TTC1: variants seen among roughly 807,000 people sequenced by gnomAD.
TTC1 encodes tetratricopeptide repeat protein 1.
A neutral mutation model predicts 37.6 loss-of-function variants in TTC1; 31 were observed. That is an observed-to-expected ratio of 0.82 (90% CI 0.62 to 1.11). The LOEUF (loss-of-function observed/expected upper bound fraction) is 1.11, where lower values mean the gene tolerates loss of function less well. TTC1 is among the 50% of genes most tolerant of loss of function. The probability of loss-of-function intolerance (pLI) is 0.00; values close to 1 mark genes in which losing one functional copy is unlikely to be tolerated. For missense variants in TTC1, 351 were observed against 339.0 expected, an observed-to-expected ratio of 1.04 and a Z score of -0.28; for synonymous variants, 127 against 122.4, an observed-to-expected ratio of 1.04 and a Z score of -0.25.
At chr5:160,027,090 G>C (rs1296296346) in intron 2 of TTC1, among the ~76,000 whole-genome samples, 1 of 151,234 alleles carries the variant, frequency 6.6e-6, no homozygotes, top group Non-Finnish European at 1.5e-5. Flanking sequence ...GTACAGGGGT[G>C]CAATCATGGA....
At chr5:160,045,523 C>CACA in intron 5 of TTC1, among the ~76,000 whole-genome samples, 2 of 98,344 alleles carry the variant, frequency 2.0e-5, no homozygotes, top group Non-Finnish European at 4.2e-5. Context: ...CATACACACT[C>CACA]TCTCTCTCTC....
intron 2 of TTC1, among the ~76,000 whole-genome samples, chr5:160,029,203 C>A (rs1252813253): frequency 1.3e-5 from 2 of 152,234 alleles, no homozygotes; most frequent in East Asian, 1.9e-4. Context: ...TGTATGTGTT[C>A]TTTTGACTCA....
chr5:160,063,743 C>G (rs988594106), intron 7 of TTC1: 3 of 152,170 alleles, frequency 2.0e-5, no homozygotes, highest in African/African-American at 4.8e-5. Flanking sequence ...CCAAAATTTT[C>G]TGGAACATTC....
intron 5 of TTC1, among the ~76,000 whole-genome samples, chr5:160,048,190 C>T (rs902391242): frequency 5.0e-4 from 56 of 111,930 alleles, no homozygotes; most frequent in African/African-American, 1.9e-3. Context: ...CTCTGTTGCC[C>T]GGGCTGGAGT....
chr5:160,064,912 T>G lies in TTC1; in HGVS notation c.746-20T>G. On this transcript the variant is annotated intron_variant, in intron 7 of 7. Coordinates refer to ENST00000231238, the MANE Select transcript of TTC1 (RefSeq NM_003314.3). ...CTGTTCATTCCTGTATTCATTTGAG[T>G]TTTTGCTTTTACATTACAGGTAAAT... 1.9e-6 allele frequency: 3 copies of G among 1,603,816 alleles called. No homozygotes were observed. The highest frequency in any genetic ancestry group is 1.7e-4 in the Middle Eastern group (1 of 5,992).
In TTC1 at chr5:160,049,514, C is replaced by A; in HGVS notation, c.542C>A (p.Ala181Glu). Residue 181 changes from alanine to glutamate, a missense_variant and splice_region_variant, in exon 6 of 8, where the codon GCA becomes GAA. Ala to Glu is a moderately radical substitution (Grantham distance 107, BLOSUM62 -1). Coordinates refer to ENST00000231238, the MANE Select transcript of TTC1 (RefSeq NM_003314.3). ...AAAATTATTTCTTCTCTTTTTACAG[C>A]AATTCAATTAAACCCCAGCTATATC... Reference protein sequence around the residue: ...KEMAINDCSKAIQLNPSYIRA... With the variant: ...KEMAINDCSKEIQLNPSYIRA... The A allele has an allele frequency of 6.4e-7, 1 of 1,562,698 alleles. No individual in the cohort carries two copies. The highest frequency in any genetic ancestry group is 8.6e-7 in the Non-Finnish European group (1 of 1,162,342).
chr5:160,034,011 G>A (rs1035618281), intron 2 of TTC1, among the ~76,000 whole-genome samples: 1 of 152,174 alleles, frequency 6.6e-6, no homozygotes, highest in African/African-American at 2.4e-5. Flanking sequence ...ATCTACTCAG[G>A]AGGCTGAGGC....
rs1476524688 is a variant in TTC1, at chr5:160,051,227, C to T, written c.745+44C>T. The T allele has an allele frequency of 2.0e-6, 3 of 1,534,540 alleles. No homozygotes were observed. The East Asian group carries it at 6.7e-5, about 35-fold the overall frequency. Reference sequence around the variant, plus strand: ...TTGCTTGATCATAAACAGCTAGGAACCTAGGGTGGGGACATAGCGAATACT... The same window carrying T: ...TTGCTTGATCATAAACAGCTAGGAATCTAGGGTGGGGACATAGCGAATACT... On this transcript the variant is annotated intron_variant, in intron 7 of 7. Transcript: ENST00000231238.
intron 4 of TTC1, among the ~76,000 whole-genome samples, chr5:160,038,044 G>A (rs142771950): frequency 0.014 from 2,072 of 151,906 alleles, 49 homozygotes; most frequent in African/African-American, 0.047. Context: ...GCAGGGTTGC[G>A]GGGGTGGGTG....
intron 2 of TTC1, among the ~76,000 whole-genome samples, chr5:160,021,957 A>G (rs1328515553): frequency 5.9e-5 from 9 of 152,146 alleles, no homozygotes; most frequent in Non-Finnish European, 8.8e-5. Flanking sequence ...ATCCCTGGGT[A>G]CTGTGCTTGG....
chr5:160,041,385 A>G (rs1757090650), intron 4 of TTC1, among the ~76,000 whole-genome samples: 1 of 148,078 alleles, frequency 6.8e-6, no homozygotes, highest in African/African-American at 2.5e-5. Context: ...GTCTCAGCTC[A>G]CTGCAACCTC....
At chr5:160,017,339 G>A (rs1319558175) in intron 2 of TTC1, among the ~76,000 whole-genome samples, 1 of 152,158 alleles carries the variant, frequency 6.6e-6, no homozygotes, top group Non-Finnish European at 1.5e-5. Flanking sequence ...AGCAATTTTA[G>A]TGTCTGGTGA....
intron 2 of TTC1, among the ~76,000 whole-genome samples, chr5:160,020,393 G>A (rs778468577): frequency 6.6e-5 from 10 of 152,160 alleles, no homozygotes; most frequent in Non-Finnish European, 1.2e-4. Flanking sequence ...GGGATTACAG[G>A]AATGAACCAC....
chr5:160,061,286 A>G (rs1020971572), intron 7 of TTC1, among the ~76,000 whole-genome samples: 5 of 152,196 alleles, frequency 3.3e-5, no homozygotes, highest in African/African-American at 1.2e-4. Context: ...AGATAGACCA[A>G]ATCTCTTCTT....
chr5:160,052,548 C>CAAAA (rs557157232), intron 7 of TTC1, among the ~76,000 whole-genome samples: 4,440 of 67,972 alleles, frequency 0.065, 955 homozygotes, highest in African/African-American at 0.16. Flanking sequence ...TCTATTTTAG[C>CAAAA]AAAAAAAAAA....
At position 160,029,200 on chromosome 5, in the gene TTC1, G is replaced by A. The variant is rs146785914; in HGVS notation, c.331-5940G>A. ...GGGTTGTTGGATTTCACTTGTATGT[G>A]TTCTTTTGACTCATAAGGGTTTCAT... On this transcript the variant is annotated intron_variant, in intron 2 of 7. Transcript: ENST00000231238. Among the ~76,000 whole-genome samples, 1,423 of 152,220 alleles carry A rather than the reference G, an allele frequency of 9.3e-3. 10 individuals are homozygous for A. Among genetic ancestry groups the A allele is most frequent in the Non-Finnish European group, 0.015 (1,025 of 68,002 alleles).
intron 7 of TTC1, among the ~76,000 whole-genome samples, chr5:160,062,793 G>A (rs1315063437): frequency 6.6e-6 from 1 of 151,778 alleles, no homozygotes; most frequent in African/African-American, 2.4e-5. Flanking sequence ...CATTTTCTTG[G>A]GCTGCTTTTG....
rs146170051 is a variant in TTC1 at position 160,062,400 on chromosome 5, G to A, written c.746-2532G>A. 7.0e-3 allele frequency among the ~76,000 whole-genome samples: 1,069 copies of A among 152,222 alleles called. 8 individuals are homozygous for A. The highest frequency in any genetic ancestry group is 0.013 in the Non-Finnish European group (856 of 68,010). ...CACCCTGGACCTATTCCCATCCCCCGGAGCACTGTGGCATGTAGCCTCTTC... is the reference window on the plus strand; with the variant it reads ...CACCCTGGACCTATTCCCATCCCCCAGAGCACTGTGGCATGTAGCCTCTTC... On this transcript the variant is annotated intron_variant, in intron 7 of 7. Coordinates refer to ENST00000231238, the MANE Select transcript of TTC1 (RefSeq NM_003314.3).
intron 2 of TTC1, among the ~76,000 whole-genome samples, chr5:160,034,193 T>A (rs1038727495): frequency 6.6e-6 from 1 of 151,990 alleles, no homozygotes; most frequent in East Asian, 1.9e-4. Flanking sequence ...TTTTGTTGTT[T>A]TTGTTTTAAA....
Sources: allele counts gnomAD v4.1 joint callset (sites outside exome capture counted in the v4.1 genomes callset), GRCh38; gene constraint gnomAD v4.1.1; transcripts MANE v1.5; gene names NCBI Gene and HGNC (gene_info 2026-07-23, HGNC 2026-07-21).